The following PARVA variants were observed in gnomAD, a reference collection of about 807,000 sequenced individuals.
The protein encoded by PARVA is alpha-parvin.
Under a neutral mutation model 52.6 loss-of-function variants are expected in PARVA, and 25 were observed. The observed-to-expected ratio is 0.48, with a 90% CI of 0.35 to 0.66. The LOEUF is 0.66. Among genes scored for constraint, PARVA ranks in the 30% least tolerant of loss-of-function variants. The pLI is 0.01. For missense variants in PARVA, 373 were observed against 450.9 expected (o/e 0.83, Z 1.56); for synonymous variants, 185 against 179.1 (o/e 1.03, Z -0.26).
At chr11:12,510,750 G>C (rs995879611) in intron 7 of PARVA, among the ~76,000 whole-genome samples, 2 of 152,178 alleles carry the variant, frequency 1.3e-5, no homozygotes, top group African/African-American at 4.8e-5. Flanking sequence ...ATTATCATGA[G>C]AATAGTATGG....
chr11:12,487,626 C>G (rs1288099713), intron 4 of PARVA, among the ~76,000 whole-genome samples: 2 of 152,070 alleles, frequency 1.3e-5, no homozygotes, highest in East Asian at 3.9e-4. Flanking sequence ...GCTTGAAGAT[C>G]CTCCTCCTAT....
intron 1 of PARVA, among the ~76,000 whole-genome samples, chr11:12,472,439 G>T (rs1472928114): frequency 2.0e-5 from 3 of 152,100 alleles, no homozygotes; most frequent in Non-Finnish European, 4.4e-5. Context: ...AGATCAAGGT[G>T]GTGACTGGCT....
chr11:12,454,793 T>C (rs1156525714), intron 1 of PARVA, among the ~76,000 whole-genome samples: 1 of 152,216 alleles, frequency 6.6e-6, no homozygotes, highest in Non-Finnish European at 1.5e-5. Flanking sequence ...TTTTAGCATA[T>C]ATATTTATAG....
chr11:12,376,703 G>A (rs1254002768), upstream of PARVA: 2 of 983,494 alleles, frequency 2.0e-6, no homozygotes, highest in Non-Finnish European at 2.4e-6. Context: ...ACAGACAGAA[G>A]GACAAAGAGC....
intron 1 of PARVA, among the ~76,000 whole-genome samples, chr11:12,460,077 T>C (rs1940756186): frequency 6.6e-6 from 1 of 152,236 alleles, no homozygotes; most frequent in Non-Finnish European, 1.5e-5. Flanking sequence ...TTCCCATGCC[T>C]TCACAACAAA....
intron 1 of PARVA, among the ~76,000 whole-genome samples, chr11:12,423,073 C>T (rs763205250): frequency 6.6e-6 from 1 of 151,986 alleles, no homozygotes; most frequent in Non-Finnish European, 1.5e-5. Context: ...AGGCTGGTCT[C>T]GAACTCCTGA....
intron 1 of PARVA, among the ~76,000 whole-genome samples, chr11:12,417,897 T>C (rs190662014): frequency 1.9e-4 from 29 of 152,324 alleles, no homozygotes; most frequent in African/African-American, 7.0e-4. Flanking sequence ...GAGGCATCTC[T>C]GGCCAGGGAG....
intron 4 of PARVA, among the ~76,000 whole-genome samples, chr11:12,482,230 C>G (rs1941097970): frequency 6.6e-6 from 1 of 150,960 alleles, no homozygotes; most frequent in East Asian, 1.9e-4. Context: ...CATTGTGGAG[C>G]AAAGACCCAG....
chr11:12,510,976 G>A (rs1428624214), intron 7 of PARVA, among the ~76,000 whole-genome samples: 1 of 152,130 alleles, frequency 6.6e-6, no homozygotes, highest in Non-Finnish European at 1.5e-5. Context: ...TGCTATGAGT[G>A]TGGTTCCAGT....
At chr11:12,525,163 G>C (rs1376508836) in intron 12 of PARVA, among the ~76,000 whole-genome samples, 1 of 152,214 alleles carries the variant, frequency 6.6e-6, no homozygotes, top group Non-Finnish European at 1.5e-5. Flanking sequence ...AGGTAGGCAG[G>C]TCGGGTCAGG....
intron 1 of PARVA, among the ~76,000 whole-genome samples, chr11:12,401,063 C>G (rs1317196546): frequency 6.6e-6 from 1 of 152,152 alleles, no homozygotes; most frequent in African/African-American, 2.4e-5. Flanking sequence ...CACCAAAGTG[C>G]ACACTTTCAA....
chr11:12,484,913 A>T (rs1271282075), intron 4 of PARVA, among the ~76,000 whole-genome samples: 1 of 149,214 alleles, frequency 6.7e-6, no homozygotes, highest in African/African-American at 2.5e-5. Context: ...CCCTGGGCTC[A>T]GGAGATCTTC....
chr11:12,433,865 C>T (rs560047327), intron 1 of PARVA, among the ~76,000 whole-genome samples: 15 of 152,272 alleles, frequency 9.9e-5, no homozygotes, highest in African/African-American at 2.4e-4. Flanking sequence ...TTGCAAGTAC[C>T]GTGCCTCCTT....
chr11:12,410,411 C>T (rs1019353008), intron 1 of PARVA, among the ~76,000 whole-genome samples: 4 of 152,218 alleles, frequency 2.6e-5, no homozygotes, highest in Non-Finnish European at 5.9e-5. Flanking sequence ...TCTTGGGCTG[C>T]GGTTATTTTC....
chr11:12,418,989 A>G (rs1165641316), intron 1 of PARVA, among the ~76,000 whole-genome samples: 2 of 152,216 alleles, frequency 1.3e-5, no homozygotes, highest in Non-Finnish European at 2.9e-5. Context: ...GAGTAAATTG[A>G]ACCATGAAGA....
chr11:12,517,854 A>G (rs1941589916), intron 11 of PARVA, 143 bp downstream of exon 11: 1 of 636,242 alleles, frequency 1.6e-6, no homozygotes, highest in South Asian at 1.9e-5. Context: ...GGGACCCATT[A>G]TAAGAGCTGA....
chr11:12,379,222 C>T (rs1939449260), intron 1 of PARVA, among the ~76,000 whole-genome samples: 1 of 119,824 alleles, frequency 8.3e-6, no homozygotes, highest in Admixed American at 9.9e-5. Context: ...CCTGTTTTAT[C>T]AGCAAGGTCT....
At chr11:12,395,106 AAAG>A (rs1436413318) in intron 1 of PARVA, among the ~76,000 whole-genome samples, 4 of 112,552 alleles carry the variant, frequency 3.6e-5, no homozygotes, top group East Asian at 1.9e-4. Flanking sequence ...AAAAAAAAAA[AAAG>A]AAAGAAGAGG....
chr11:12,402,424 A>G (rs1443144703), intron 1 of PARVA, among the ~76,000 whole-genome samples: 1 of 152,244 alleles, frequency 6.6e-6, no homozygotes, highest in Non-Finnish European at 1.5e-5. Flanking sequence ...GTGGATATTT[A>G]GCATAGTAAA....
Sources: allele counts gnomAD v4.1 joint callset (sites outside exome capture counted in the v4.1 genomes callset), GRCh38; gene constraint gnomAD v4.1.1; transcripts MANE v1.5; gene names NCBI Gene and HGNC (gene_info 2026-07-23, HGNC 2026-07-21).